ZNF804B: variants seen among roughly 807,000 people sequenced by gnomAD.
The protein encoded by ZNF804B is zinc finger protein 804B, also known as zinc finger 804B.
A neutral mutation model predicts 101.4 loss-of-function variants in ZNF804B; 80 were observed. The ratio of observed to expected loss-of-function variants is 0.79; its 90% CI spans 0.66 to 0.95. ZNF804B has a LOEUF of 0.95. Among genes scored for constraint, ZNF804B ranks in the 40% least tolerant of loss-of-function variants. The probability of loss-of-function intolerance (pLI) is 0.00; values close to 1 mark genes in which losing one functional copy is unlikely to be tolerated. For synonymous variants in ZNF804B, 622 were observed against 558.8 expected (o/e 1.11, Z -1.59); for missense variants, 1,673 against 1,561.9 (o/e 1.07, Z -1.20).
intron 1 of ZNF804B, among the ~76,000 whole-genome samples, chr7:88,960,723 T>C (rs1025863494): frequency 6.6e-6 from 1 of 151,418 alleles, no homozygotes; most frequent in Non-Finnish European, 1.5e-5. Context: ...TGAAATATAG[T>C]ACTGAATTCC....
At chr7:89,034,005 A>G (rs1275411259) in intron 1 of ZNF804B, among the ~76,000 whole-genome samples, 3 of 152,112 alleles carry the variant, frequency 2.0e-5, no homozygotes, top group Non-Finnish European at 4.4e-5. Context: ...AGAAAACATA[A>G]TAATGTGTTA....
chr7:88,952,495 G>T lies in ZNF804B; in HGVS notation c.108+192411G>T, dbSNP rs73705600. Among the ~76,000 whole-genome samples the T allele has an allele frequency of 3.2e-3, 483 of 151,804 alleles. 5 individuals are homozygous for T. The highest frequency in any genetic ancestry group is 0.011 in the African/African-American group (461 of 41,492). On this transcript the variant is annotated intron_variant, in intron 1 of 3. Transcript: ENST00000333190. ...ATTTGTGTTATTTTTTGTCTTATCT[G>T]TTAAAATATCTTTTATGTTTTAGTA...
chr7:89,270,728 C>T (rs2115837569), intron 2 of ZNF804B, among the ~76,000 whole-genome samples: 1 of 152,082 alleles, frequency 6.6e-6, no homozygotes, highest in Non-Finnish European at 1.5e-5. Flanking sequence ...TGTTTGTGTC[C>T]TCTTTTATTT....
intron 2 of ZNF804B, among the ~76,000 whole-genome samples, chr7:89,288,627 C>G (rs923461880): frequency 6.6e-6 from 1 of 152,088 alleles, no homozygotes; most frequent in African/African-American, 2.4e-5. Flanking sequence ...TAATTGTCAA[C>G]CATAATTTGA....
chr7:89,335,136 C>A lies in ZNF804B; in HGVS notation c.2154C>A (p.Ser718Arg). ...CCTCTTTGGACACATCCCCTAGCAG[C>A]ATGTCTAGCTTGAGAAGTACTTGTT... ...YSSSLDTSPS[S>R]MSSLRSTCSS... Residue 718 changes from serine to arginine, a missense_variant, in exon 4 of 4, where the codon AGC (serine) becomes AGA (arginine). Physicochemically the swap from Ser to Arg is moderately radical, Grantham distance 110. Coordinates refer to ENST00000333190, the MANE Select transcript of ZNF804B (RefSeq NM_181646.5). 1 of 1,613,882 alleles carries A rather than the reference C, an allele frequency of 6.2e-7. No individual in the cohort carries two copies. Among genetic ancestry groups the A allele is most frequent in the Non-Finnish European group, 8.5e-7 (1 of 1,179,912 alleles).
intron 2 of ZNF804B, among the ~76,000 whole-genome samples, chr7:89,321,067 G>A (rs1790811984): frequency 6.6e-6 from 1 of 152,122 alleles, no homozygotes; most frequent in Admixed American, 6.6e-5. Context: ...AGTTTACCAT[G>A]TATACTGAAA....
At chr7:89,094,313 A>T (rs11761319) in intron 1 of ZNF804B, among the ~76,000 whole-genome samples, 68,260 of 151,952 alleles carry the variant, frequency 0.45, 16,156 homozygotes, top group Non-Finnish European at 0.53. Flanking sequence ...TCAAATGTTT[A>T]TTTAACCTCT....
intron 1 of ZNF804B, among the ~76,000 whole-genome samples, chr7:89,181,737 A>G (rs1788301978): frequency 6.6e-6 from 1 of 152,168 alleles, no homozygotes; most frequent in Non-Finnish European, 1.5e-5. Context: ...GGGGTTAAAA[A>G]TCACTAAAGG....
intron 2 of ZNF804B, among the ~76,000 whole-genome samples, chr7:89,225,567 G>C (rs746940470): frequency 1.3e-5 from 2 of 151,976 alleles, no homozygotes; most frequent in African/African-American, 4.8e-5. Flanking sequence ...TTGGTTTTTA[G>C]AGTAGACCAT....
At chr7:89,060,748 C>T (rs959977636) in intron 1 of ZNF804B, among the ~76,000 whole-genome samples, 3 of 152,096 alleles carry the variant, frequency 2.0e-5, no homozygotes, top group Non-Finnish European at 2.9e-5. Context: ...TTATCTTATA[C>T]ATTTTTGCGA....
intron 1 of ZNF804B, among the ~76,000 whole-genome samples, chr7:88,946,214 G>T (rs1182549837): frequency 1.3e-5 from 2 of 152,024 alleles, no homozygotes; most frequent in Non-Finnish European, 2.9e-5. Context: ...TATCATATTG[G>T]CTGTGGGTTT....
At chr7:89,279,751 T>G in intron 2 of ZNF804B, among the ~76,000 whole-genome samples, 1 of 152,016 alleles carries the variant, frequency 6.6e-6, no homozygotes, top group Non-Finnish European at 1.5e-5. Context: ...GGATTCGGTT[T>G]GCCAGTATTT....
chr7:89,262,626 G>A lies in ZNF804B; in HGVS notation c.249+44331G>A, dbSNP rs141189512. Reference sequence around the variant, plus strand: ...TTTCCATTCCTCTTTCATACTTTCTGTCTGTATAACATTTGGAATTGCATT... The same window carrying A: ...TTTCCATTCCTCTTTCATACTTTCTATCTGTATAACATTTGGAATTGCATT... On this transcript the variant is annotated intron_variant, in intron 2 of 3. Coordinates refer to ENST00000333190, the MANE Select transcript of ZNF804B (RefSeq NM_181646.5). 4.2e-3 allele frequency among the ~76,000 whole-genome samples: 633 copies of A among 151,980 alleles called. 6 individuals carry two copies. The highest frequency in any genetic ancestry group is 0.015 in the African/African-American group (606 of 41,474).
At chr7:89,089,439 C>T (rs1169290750) in intron 1 of ZNF804B, among the ~76,000 whole-genome samples, 2 of 151,876 alleles carry the variant, frequency 1.3e-5, no homozygotes, top group Non-Finnish European at 2.9e-5. Flanking sequence ...TATATATTAA[C>T]CTTTGGCAGC....
intron 2 of ZNF804B, among the ~76,000 whole-genome samples, chr7:89,318,225 G>A (rs1012182039): frequency 2.0e-5 from 3 of 152,156 alleles, no homozygotes; most frequent in Non-Finnish European, 4.4e-5. Context: ...GGTGGCAGGG[G>A]CTAATAGGAA....
chr7:89,314,644 A>T (rs1217926058), intron 2 of ZNF804B, among the ~76,000 whole-genome samples: 1 of 152,212 alleles, frequency 6.6e-6, no homozygotes, highest in Non-Finnish European at 1.5e-5. Context: ...GAATTCCACA[A>T]GGTAGACACT....
chr7:89,280,056 A>G (rs1770482409), intron 2 of ZNF804B, among the ~76,000 whole-genome samples: 1 of 152,130 alleles, frequency 6.6e-6, no homozygotes, highest in Non-Finnish European at 1.5e-5. Flanking sequence ...ATAACAAACT[A>G]TCTCTCAGAC....
chr7:89,045,733 C>A (rs934833472), intron 1 of ZNF804B, among the ~76,000 whole-genome samples: 2 of 152,102 alleles, frequency 1.3e-5, no homozygotes, highest in African/African-American at 4.8e-5. Flanking sequence ...AATCCCTGTA[C>A]CCCCAATGTA....
intron 2 of ZNF804B, among the ~76,000 whole-genome samples, chr7:89,228,152 T>C (rs976498437): frequency 2.0e-5 from 3 of 152,050 alleles, no homozygotes; most frequent in African/African-American, 7.2e-5. Flanking sequence ...TTCCTTCTGG[T>C]GGGTACGTGG....
Sources: gnomAD v4.1 joint callset for allele counts (sites outside exome capture counted in the v4.1 genomes callset) on GRCh38, gnomAD v4.1.1 for gene constraint, MANE v1.5 for transcripts, NCBI Gene and HGNC (gene_info 2026-07-23, HGNC 2026-07-21) for gene names.